Variants in LRP12 observed in about 807,000 individuals in gnomAD.
The protein encoded by LRP12 is low-density lipoprotein receptor-related protein 12.
Under a neutral mutation model 66.0 loss-of-function variants are expected in LRP12, and 14 were observed. The ratio of observed to expected loss-of-function variants is 0.21; its 90% CI spans 0.14 to 0.33. The LOEUF is 0.33. Among genes scored for constraint, LRP12 ranks in the 10% least tolerant of loss-of-function variants. The pLI, the probability that LRP12 is intolerant of heterozygous loss-of-function variation, is 1.00. For synonymous variants in LRP12, 357 were observed against 359.1 expected (o/e 0.99, Z 0.07); for missense variants, 889 against 1,053.4 (o/e 0.84, Z 2.16).
rs1047809240 is a variant in LRP12, at chr8:104,490,426, CAG to C, written c.*245_*246del. The C allele has an allele frequency of 2.4e-6, 1 of 409,972 alleles. No homozygotes were observed. Among genetic ancestry groups the C allele is most frequent in the African/African-American group, 2.1e-5 (1 of 48,486 alleles). The allele number at this position is 409,972 out of a possible 1,614,324, so 25.4% of individuals were successfully genotyped here. A position where few individuals can be genotyped will look rare whatever the true frequency, so the allele number is the denominator to read the frequency against. ...ACTACAGTATCAGGATGAAAACAAT[CAG>C]AAACAAATGAAAGGACATTATTGAA... On this transcript the variant is annotated 3_prime_UTR_variant, in exon 7 of 7. Transcript: ENST00000276654.
chr8:104,511,258 G>A (rs1810991472), intron 2 of LRP12, among the ~76,000 whole-genome samples: 1 of 151,398 alleles, frequency 6.6e-6, no homozygotes, highest in South Asian at 2.1e-4. Context: ...TGGCCAGGAT[G>A]GTCTCGATCT....
At chr8:104,515,281 A>T (rs1047249505) in intron 2 of LRP12, among the ~76,000 whole-genome samples, 1 of 152,154 alleles carries the variant, frequency 6.6e-6, no homozygotes, top group Non-Finnish European at 1.5e-5. Flanking sequence ...TATTTCAGCT[A>T]TGGTCTGGCT....
chr8:104,585,320 G>A (rs1214732845), intron 1 of LRP12, among the ~76,000 whole-genome samples: 1 of 152,142 alleles, frequency 6.6e-6, no homozygotes, highest in Non-Finnish European at 1.5e-5. Context: ...CCACCTTCCT[G>A]GTTCAAGTGA....
intron 1 of LRP12, among the ~76,000 whole-genome samples, chr8:104,545,427 A>G (rs1268914478): frequency 6.6e-6 from 1 of 152,206 alleles, no homozygotes; most frequent in Non-Finnish European, 1.5e-5. Flanking sequence ...GCAAAAGGCT[A>G]TCAAACAGCA....
intron 1 of LRP12, among the ~76,000 whole-genome samples, chr8:104,539,607 GT>G (rs1811443284): frequency 6.6e-6 from 1 of 151,804 alleles, no homozygotes; most frequent in South Asian, 2.1e-4. Context: ...TAAGATCAGG[GT>G]TAATATCATA....
intron 2 of LRP12, among the ~76,000 whole-genome samples, chr8:104,531,582 T>C (rs999818324): frequency 1.3e-5 from 2 of 152,102 alleles, no homozygotes; most frequent in Non-Finnish European, 2.9e-5. Flanking sequence ...CAAAATCACA[T>C]TTCAGTAAAT....
At chr8:104,568,981 C>A (rs1400672243) in intron 1 of LRP12, among the ~76,000 whole-genome samples, 1 of 152,148 alleles carries the variant, frequency 6.6e-6, no homozygotes, top group Non-Finnish European at 1.5e-5. Context: ...CACAAATATT[C>A]ATAGCATTAT....
At chr8:104,546,099 T>G (rs1390135497) in intron 1 of LRP12, among the ~76,000 whole-genome samples, 2 of 152,166 alleles carry the variant, frequency 1.3e-5, no homozygotes, top group Non-Finnish European at 2.9e-5. Flanking sequence ...TCTTTCACAC[T>G]GTGGGGCTTG....
chr8:104,513,435 T>C (rs558137593), intron 2 of LRP12, among the ~76,000 whole-genome samples: 40 of 152,318 alleles, frequency 2.6e-4, no homozygotes, highest in African/African-American at 9.6e-4. Context: ...TTCTGATAGC[T>C]CAATGGGATA....
chr8:104,581,838 T>C (rs1329616964), intron 1 of LRP12, among the ~76,000 whole-genome samples: 1 of 152,200 alleles, frequency 6.6e-6, no homozygotes, highest in Non-Finnish European at 1.5e-5. Flanking sequence ...CAGTTTCTTC[T>C]AATAATACCT....
chr8:104,531,828 T>G, intron 2 of LRP12, 79 bp downstream of exon 2: 1 of 910,214 alleles, frequency 1.1e-6, no homozygotes, highest in South Asian at 1.5e-5. Flanking sequence ...CAAATATCAC[T>G]TCGTAAGATA....
At chr8:104,571,597 A>G (rs1041130250) in intron 1 of LRP12, among the ~76,000 whole-genome samples, 6 of 152,180 alleles carry the variant, frequency 3.9e-5, no homozygotes, top group South Asian at 4.1e-4. Context: ...ACCTTCCACC[A>G]TAAGTTTCCT....
intron 3 of LRP12, among the ~76,000 whole-genome samples, chr8:104,503,838 C>T (rs1421106312): frequency 6.6e-6 from 1 of 152,136 alleles, no homozygotes; most frequent in Admixed American, 6.5e-5. Flanking sequence ...ATCTGTTGCA[C>T]TGTTGCATTC....
intron 3 of LRP12, chr8:104,505,361 CT>C (rs2140839724): frequency 6.8e-6 from 1 of 147,424 alleles, no homozygotes; most frequent in South Asian, 2.2e-4. Flanking sequence ...GTGTTACAAC[CT>C]TTCTACTTGG....
intron 5 of LRP12, 108 bp from the exon 6 acceptor site, chr8:104,495,317 T>C: frequency 9.0e-7 from 1 of 1,117,156 alleles, no homozygotes; most frequent in Non-Finnish European, 1.3e-6. Context: ...TATTTGATCA[T>C]TTTAAAGCTT....
At chr8:104,550,560 A>T (rs956413563) in intron 1 of LRP12, among the ~76,000 whole-genome samples, 2 of 152,136 alleles carry the variant, frequency 1.3e-5, no homozygotes, top group African/African-American at 4.8e-5. Context: ...ACCTTGGTGA[A>T]TGACACCAGC....
At chr8:104,536,103 A>T (rs1454462617) in intron 1 of LRP12, among the ~76,000 whole-genome samples, 3 of 152,046 alleles carry the variant, frequency 2.0e-5, no homozygotes, top group Admixed American at 6.6e-5. Flanking sequence ...TACTTAAGGG[A>T]AAAGTTCATA....
In LRP12 at chr8:104,495,221, G is replaced by A. The variant is rs533114389; in HGVS notation, c.1581-12C>T. On this transcript the variant is annotated splice_polypyrimidine_tract_variant and intron_variant, in intron 5 of 6. Transcript: ENST00000276654. ...GTGTTTCAAATGATCTTTGAGAGTA[G>A]ATGGAAAGAAAAATGATTAAAAGGG... 1.4e-5 allele frequency: 22 copies of A among 1,601,828 alleles called. No individual in the cohort carries two copies. The South Asian group carries it at 2.5e-4, about 18-fold the overall frequency.
At chr8:104,548,573 C>G (rs1174710604) in intron 1 of LRP12, among the ~76,000 whole-genome samples, 1 of 81,114 alleles carries the variant, frequency 1.2e-5, no homozygotes, top group Non-Finnish European at 2.5e-5. Context: ...AATTATAATT[C>G]TATATTATAT....
Sources: gnomAD v4.1 joint callset for allele counts (sites outside exome capture counted in the v4.1 genomes callset) on GRCh38, gnomAD v4.1.1 for gene constraint, MANE v1.5 for transcripts, NCBI Gene and HGNC (gene_info 2026-07-23, HGNC 2026-07-21) for gene names.